GOLIM4: variants seen among roughly 807,000 people sequenced by gnomAD.
GOLIM4 encodes the protein 130 kDa golgi-localized phosphoprotein.
GOLIM4 carries 71 observed loss-of-function variants against 107.4 expected under a neutral mutation model. The ratio of observed to expected loss-of-function variants is 0.66; its 90% CI spans 0.55 to 0.81. GOLIM4 has a LOEUF of 0.81. GOLIM4 is among the 30% of genes least tolerant of loss of function. GOLIM4 has a pLI of 0.00. For missense variants in GOLIM4, 830 were observed against 826.1 expected (o/e 1.00, Z -0.06); for synonymous variants, 327 against 294.8 (o/e 1.11, Z -1.12).
chr3:168,059,087 A>C (rs1720126822), intron 1 of GOLIM4, among the ~76,000 whole-genome samples: 1 of 152,224 alleles, frequency 6.6e-6, no homozygotes, highest in Non-Finnish European at 1.5e-5. Context: ...CACTGCTCTT[A>C]AAATGCAACT....
intron 1 of GOLIM4, among the ~76,000 whole-genome samples, chr3:168,091,794 T>G (rs954739999): frequency 1.3e-5 from 2 of 152,170 alleles, no homozygotes; most frequent in Non-Finnish European, 2.9e-5. Flanking sequence ...CTCCACTTTA[T>G]AAATAAGAAA....
intron 1 of GOLIM4, among the ~76,000 whole-genome samples, chr3:168,077,065 T>G (rs558839391): frequency 4.6e-5 from 7 of 152,346 alleles, no homozygotes; most frequent in South Asian, 4.1e-4. Context: ...ACTAAAATTA[T>G]GTTGATGTTA....
intron 14 of GOLIM4, among the ~76,000 whole-genome samples, chr3:168,018,827 T>TG (rs928048094): frequency 6.6e-6 from 1 of 152,008 alleles, no homozygotes; most frequent in East Asian, 1.9e-4. Context: ...TAGTTGAGAC[T>TG]GGGGGAAAAA....
intron 9 of GOLIM4, among the ~76,000 whole-genome samples, chr3:168,030,686 A>G (rs1212051904): frequency 6.6e-6 from 1 of 152,198 alleles, no homozygotes. Flanking sequence ...CCCAGTTATA[A>G]TGGCTTTTAT....
At chr3:168,047,055 A>G (rs970069182) in intron 2 of GOLIM4, 56 bp from the exon 3 acceptor site, 2 of 820,354 alleles carry the variant, frequency 2.4e-6, no homozygotes, top group Non-Finnish European at 3.9e-6. Flanking sequence ...GATTTTAAAC[A>G]TCTAAAGAAA....
chr3:168,014,775 C>A (rs1205345044), intron 14 of GOLIM4, among the ~76,000 whole-genome samples: 3 of 140,882 alleles, frequency 2.1e-5, no homozygotes, highest in Non-Finnish European at 3.0e-5. Flanking sequence ...ATAAACAGAG[C>A]CAAAGACAAA....
intron 2 of GOLIM4, among the ~76,000 whole-genome samples, chr3:168,047,256 C>T (rs1306986589): frequency 2.6e-5 from 4 of 152,114 alleles, no homozygotes; most frequent in South Asian, 2.1e-4. Context: ...ATTAAAAGTG[C>T]TTTTAGAATA....
At chr3:168,029,754 C>A (rs1427390480) in intron 10 of GOLIM4, 26 bp downstream of exon 10, 1 of 1,607,806 alleles carries the variant, frequency 6.2e-7, no homozygotes, top group African/African-American at 1.3e-5. Flanking sequence ...GGGCTGTCTT[C>A]GTTCATTAAG....
chr3:168,010,234 C>T lies in GOLIM4; in HGVS notation c.*35G>A. The T allele has an allele frequency of 6.3e-7, 1 of 1,587,766 alleles. No homozygotes were observed. Among genetic ancestry groups the T allele is most frequent in the Non-Finnish European group, 8.6e-7 (1 of 1,166,312 alleles). Reference sequence around the variant, plus strand: ...TATGTTTGAGCAGCTTGAAAAGAATCCGTTGGCTGAGCGTTGTCTAGAAAT... The same window carrying T: ...TATGTTTGAGCAGCTTGAAAAGAATTCGTTGGCTGAGCGTTGTCTAGAAAT... On this transcript the variant is annotated 3_prime_UTR_variant, in exon 16 of 16. Coordinates refer to ENST00000470487, the MANE Select transcript of GOLIM4 (RefSeq NM_014498.5).
At chr3:168,022,119 T>G (rs769847337) in intron 14 of GOLIM4, among the ~76,000 whole-genome samples, 5 of 152,176 alleles carry the variant, frequency 3.3e-5, no homozygotes, top group Non-Finnish European at 5.9e-5. Context: ...AAAATCATAC[T>G]TCTTTTGGGT....
chr3:168,091,575 C>G (rs928422033), intron 1 of GOLIM4, among the ~76,000 whole-genome samples: 4 of 152,126 alleles, frequency 2.6e-5, no homozygotes, highest in African/African-American at 9.7e-5. Context: ...GCTACATAAA[C>G]AAATTCTGCC....
intron 1 of GOLIM4, among the ~76,000 whole-genome samples, chr3:168,093,914 A>G (rs1722030310): frequency 6.6e-6 from 1 of 152,256 alleles, no homozygotes; most frequent in African/African-American, 2.4e-5. Flanking sequence ...GAAGCAAAGA[A>G]GAGGCATCTG....
At chr3:168,051,162 A>T (rs1382242919) in intron 1 of GOLIM4, among the ~76,000 whole-genome samples, 2 of 152,062 alleles carry the variant, frequency 1.3e-5, no homozygotes, top group Non-Finnish European at 2.9e-5. Context: ...ATCTTCAGTA[A>T]GAGAATGGAG....
At chr3:168,053,604 TTAA>T (rs1375950866) in intron 1 of GOLIM4, among the ~76,000 whole-genome samples, 2 of 152,224 alleles carry the variant, frequency 1.3e-5, no homozygotes, top group Non-Finnish European at 2.9e-5. Context: ...TAAATTGAAA[TTAA>T]TATACGTCTC....
At chr3:168,079,160 T>C (rs1161392663) in intron 1 of GOLIM4, among the ~76,000 whole-genome samples, 4 of 152,192 alleles carry the variant, frequency 2.6e-5, no homozygotes, top group South Asian at 2.1e-4. Flanking sequence ...AGAGCATTCA[T>C]AGTGGCAGCA....
chr3:168,091,854 C>A (rs535867593), intron 1 of GOLIM4, among the ~76,000 whole-genome samples: 8 of 152,302 alleles, frequency 5.3e-5, no homozygotes, highest in African/African-American at 1.9e-4. Flanking sequence ...GAATTACAGT[C>A]TAGAAACCAG....
chr3:168,093,893 T>C (rs1722028786), intron 1 of GOLIM4, among the ~76,000 whole-genome samples: 1 of 152,130 alleles, frequency 6.6e-6, no homozygotes, highest in Admixed American at 6.5e-5. Flanking sequence ...TAGAAAACAC[T>C]CAAAATAACT....
chr3:168,057,137 T>TA (rs1380668903), intron 1 of GOLIM4, among the ~76,000 whole-genome samples: 94 of 152,054 alleles, frequency 6.2e-4, no homozygotes, highest in African/African-American at 2.2e-3. Context: ...CTGATGGTTT[T>TA]AAAAAAAGGA....
Position 168,082,285 on chromosome 3 carries a change from C to T in GOLIM4, c.187+12814G>A, listed in dbSNP as rs148835157. On this transcript the variant is annotated intron_variant, in intron 1 of 15. Transcript: ENST00000470487. ...GAAAAACATTCAGTGTGGTCTTAGG[C>T]AATGAGCTGGTGCTGGATAGGAGGC... Among the ~76,000 whole-genome samples the T allele has an allele frequency of 1.7e-3, 252 of 152,240 alleles. 6 individuals are homozygous for T. The East Asian group carries it at 0.018, about 11-fold the overall frequency.
Sources: allele counts gnomAD v4.1 joint callset (sites outside exome capture counted in the v4.1 genomes callset), GRCh38; gene constraint gnomAD v4.1.1; transcripts MANE v1.5; gene names NCBI Gene and HGNC (gene_info 2026-07-23, HGNC 2026-07-21).